The following KIAA0825 variants were observed in gnomAD, a reference collection of about 807,000 sequenced individuals.
KIAA0825 encodes KIAA0825.
In KIAA0825, 119 loss-of-function variants were observed where a neutral mutation model predicts 147.6. That is an observed-to-expected ratio of 0.81 (90% CI 0.69 to 0.94). KIAA0825 has a LOEUF of 0.94. Ranked by LOEUF, KIAA0825 falls within the 40% of genes least tolerant of loss-of-function variation. KIAA0825 has a pLI of 0.00. For synonymous variants in KIAA0825, 470 were observed against 518.1 expected (o/e 0.91, Z 1.26); for missense variants, 1,381 against 1,472.7 (o/e 0.94, Z 1.02).
At chr5:94,181,642 A>T (rs570242464) in intron 20 of KIAA0825, among the ~76,000 whole-genome samples, 1 of 152,334 alleles carries the variant, frequency 6.6e-6, no homozygotes, top group African/African-American at 2.4e-5. Context: ...CTGCTGTAAG[A>T]CATGCCATGG....
At chr5:94,537,647 C>CAAAAAA (rs1162517096) in intron 2 of KIAA0825, among the ~76,000 whole-genome samples, 1 of 68,018 alleles carries the variant, frequency 1.5e-5, no homozygotes, top group African/African-American at 4.8e-5. Context: ...GACTCTGTCT[C>CAAAAAA]AAAAAAAAAA....
chr5:94,323,353 A>G (rs1780377485), intron 20 of KIAA0825, among the ~76,000 whole-genome samples: 1 of 151,912 alleles, frequency 6.6e-6, no homozygotes, highest in African/African-American at 2.4e-5. Context: ...TGAAAATAAA[A>G]CATTTTGAAA....
At chr5:94,405,655 G>T (rs1316303291) in intron 15 of KIAA0825, among the ~76,000 whole-genome samples, 1 of 152,230 alleles carries the variant, frequency 6.6e-6, no homozygotes, top group East Asian at 1.9e-4. Context: ...ACAAGCTCTG[G>T]TCTAATTTTC....
At chr5:94,389,717 C>A (rs17083620) in intron 18 of KIAA0825, among the ~76,000 whole-genome samples, 5,746 of 152,270 alleles carry the variant, frequency 0.038, 342 homozygotes, top group African/African-American at 0.13. Context: ...ATGTCACTTA[C>A]AGCATAGCAA....
chr5:94,598,483 GCTGTTTTACAGGGAAGCTGTTAA>G (rs1408721907), intron 1 of KIAA0825, among the ~76,000 whole-genome samples: 3 of 152,142 alleles, frequency 2.0e-5, no homozygotes, highest in East Asian at 1.9e-4. Flanking sequence ...CTTGCTTGAA[GCTGTTTTACAGGGAAGCTGTTAA>G]CTGTTTTACA....
intron 2 of KIAA0825, among the ~76,000 whole-genome samples, chr5:94,578,556 T>C (rs1485488795): frequency 6.6e-6 from 1 of 152,196 alleles, no homozygotes; most frequent in Admixed American, 6.5e-5. Flanking sequence ...TTAAGATAAA[T>C]TGTGACTACC....
intron 20 of KIAA0825, among the ~76,000 whole-genome samples, chr5:94,178,287 C>G (rs984014701): frequency 3.3e-5 from 5 of 151,892 alleles, no homozygotes; most frequent in Non-Finnish European, 7.4e-5. Context: ...TCCTTTCTAT[C>G]AGTTATTTCT....
Position 94,254,142 on chromosome 5 carries a change from G to T in KIAA0825, c.3711-100018C>A, listed in dbSNP as rs183745694. Among the ~76,000 whole-genome samples, 93 of 152,230 alleles carry T rather than the reference G, an allele frequency of 6.1e-4. 1 individual carries two copies. In the East Asian group the frequency reaches 0.015, roughly 25 times the overall value. The stretch of plus-strand genomic sequence containing the variant: ...GACAGCAAGAGTTATTCCCTTGGAG[G>T]TTAATGGCTTCTAATAATGTCTAGC... On this transcript the variant is annotated intron_variant, in intron 20 of 20. Coordinates refer to ENST00000682413, the MANE Select transcript of KIAA0825 (RefSeq NM_001145678.3).
intron 1 of KIAA0825, among the ~76,000 whole-genome samples, chr5:94,613,189 C>T (rs1789378106): frequency 6.6e-6 from 1 of 151,984 alleles, no homozygotes; most frequent in Non-Finnish European, 1.5e-5. Context: ...TAAAGTTTGA[C>T]CTTGTCCTCT....
chr5:94,445,399 C>A (rs1288039992), intron 13 of KIAA0825, among the ~76,000 whole-genome samples: 1 of 152,134 alleles, frequency 6.6e-6, no homozygotes, highest in Non-Finnish European at 1.5e-5. Flanking sequence ...GTCCTCATGA[C>A]CCTCCCATGA....
At chr5:94,400,869 GA>G (rs1243437587) in intron 16 of KIAA0825, among the ~76,000 whole-genome samples, 12 of 152,028 alleles carry the variant, frequency 7.9e-5, no homozygotes, top group Admixed American at 3.3e-4. Flanking sequence ...AAGAAATGAA[GA>G]AATGCATTTT....
rs530381422 is a variant in KIAA0825 at position 94,542,022 on chromosome 5, T to G, written c.-1-4895A>C. Among the ~76,000 whole-genome samples the G allele has an allele frequency of 3.9e-5, 6 of 152,352 alleles. No homozygotes were observed. The South Asian group carries it at 8.3e-4, about 21-fold the overall frequency. ...GATAGCTGAATTTCTTTGTCAATTA[T>G]GTTTTTAACTGTGACTGTCCTAAGA... On this transcript the variant is annotated intron_variant, in intron 2 of 20. Coordinates refer to ENST00000682413, the MANE Select transcript of KIAA0825 (RefSeq NM_001145678.3).
intron 20 of KIAA0825, among the ~76,000 whole-genome samples, chr5:94,159,981 A>G (rs1185725710): frequency 2.0e-5 from 3 of 152,206 alleles, no homozygotes; most frequent in Non-Finnish European, 4.4e-5. Flanking sequence ...TGTTCTACCA[A>G]TATATAGCTG....
chr5:94,370,773 G>T (rs1322667989), intron 20 of KIAA0825, among the ~76,000 whole-genome samples: 3 of 152,044 alleles, frequency 2.0e-5, no homozygotes, highest in Non-Finnish European at 4.4e-5. Context: ...GCTGGGCGTG[G>T]TGGTGGGAGC....
At chr5:94,167,200 T>G (rs1422091246) in intron 20 of KIAA0825, among the ~76,000 whole-genome samples, 4 of 152,172 alleles carry the variant, frequency 2.6e-5, no homozygotes, top group Non-Finnish European at 5.9e-5. Flanking sequence ...AGCTTTTGCC[T>G]AATGTTTTAA....
intron 10 of KIAA0825, among the ~76,000 whole-genome samples, chr5:94,466,628 T>C (rs879548956): frequency 3.3e-5 from 5 of 150,738 alleles, no homozygotes; most frequent in Admixed American, 1.3e-4. Flanking sequence ...TCCCAGCTAC[T>C]TGGGAGGCTG....
At chr5:94,354,106 A>G (rs1246895752) in intron 20 of KIAA0825, among the ~76,000 whole-genome samples, 1 of 152,216 alleles carries the variant, frequency 6.6e-6, no homozygotes, top group Non-Finnish European at 1.5e-5. Context: ...TCAAATCAAC[A>G]TAAGTAGTTA....
At chr5:94,221,090 C>T (rs1024933748) in intron 20 of KIAA0825, among the ~76,000 whole-genome samples, 3 of 152,056 alleles carry the variant, frequency 2.0e-5, no homozygotes, top group Admixed American at 6.5e-5. Context: ...TTCTCTCTTC[C>T]GAGAGTATTA....
chr5:94,239,449 G>A (rs910168717), intron 20 of KIAA0825, among the ~76,000 whole-genome samples: 1 of 152,170 alleles, frequency 6.6e-6, no homozygotes. Context: ...CTAGTACAAA[G>A]TATTTTGTTA....
Sources: gnomAD v4.1 joint callset for allele counts (sites outside exome capture counted in the v4.1 genomes callset) on GRCh38, gnomAD v4.1.1 for gene constraint, MANE v1.5 for transcripts, NCBI Gene and HGNC (gene_info 2026-07-23, HGNC 2026-07-21) for gene names.